DIDO1: variants seen among roughly 807,000 people sequenced by gnomAD.
DIDO1 encodes the protein death-inducer obliterator 1.
A neutral mutation model predicts 99.4 loss-of-function variants in DIDO1; 16 were observed. That is an observed-to-expected ratio of 0.16 (90% CI 0.11 to 0.24). DIDO1 has a LOEUF of 0.24. Ranked by LOEUF, DIDO1 falls within the 10% of genes least tolerant of loss-of-function variation. The pLI, the probability that DIDO1 is intolerant of heterozygous loss-of-function variation, is 1.00. For synonymous variants in DIDO1, 1,366 were observed against 1,239.1 expected, an observed-to-expected ratio of 1.10 and a Z score of -2.15; for missense variants, 2,996 against 3,014.0, an observed-to-expected ratio of 0.99 and a Z score of 0.14.
chr20:62,905,539 G>A (rs1321056427), intron 6 of DIDO1: 97 of 1,550,906 alleles, frequency 6.3e-5, no homozygotes, highest in South Asian at 1.2e-4. Context: ...TGGATGTGGC[G>A]TGCCGGGCAG....
At chr20:62,887,843 A>T in intron 15 of DIDO1, 1 of 985,486 alleles carries the variant, frequency 1.0e-6, no homozygotes, top group Non-Finnish European at 1.2e-6. Context: ...TAGGTGGAGA[A>T]GGTCACCTGG....
At chr20:62,906,206 T>TCTGAAGACC in intron 5 of DIDO1, 106 bp from the exon 6 acceptor site, 1 of 1,413,124 alleles carries the variant, frequency 7.1e-7, no homozygotes, top group Non-Finnish European at 9.5e-7. Context: ...CCTGAGGCCA[T>TCTGAAGACC]CTGAAGACCC....
intron 15 of DIDO1, chr20:62,887,530 T>A (rs1295896120): frequency 1.0e-6 from 1 of 985,346 alleles, no homozygotes; most frequent in Non-Finnish European, 1.2e-6. Flanking sequence ...TGCCCTGTAC[T>A]TGGGGAGAAC....
Position 62,881,309 on chromosome 20 carries a change from G to T in DIDO1, c.4647C>A (p.Pro1549=), listed in dbSNP as rs756006083. 3 of 1,604,898 alleles carry T rather than the reference G, an allele frequency of 1.9e-6. No homozygotes were observed. Among genetic ancestry groups the T allele is most frequent in the African/African-American group, 2.7e-5 (2 of 75,044 alleles). The change falls in exon 16 of 16, where the codon CCC becomes CCA. Residue 1549 remains proline (P), a synonymous_variant. Transcript: ENST00000395343. The surrounding 1 kb of genome is among the most constrained non-coding windows in gnomAD (Gnocchi z 8.3). ...QQSADKPASL[P]PASQASNHRD... is the part of the protein sequence containing the mutation. ...TGTGGTTTGACGCCTGGCTGGCGGG[G>T]GGCAGTGAGGCGGGCTTGTCTGCAG...
chr20:62,924,018 C>T (rs770462564), intron 1 of DIDO1, among the ~76,000 whole-genome samples: 3 of 152,246 alleles, frequency 2.0e-5, no homozygotes, highest in Non-Finnish European at 4.4e-5. Flanking sequence ...ACAACACAGA[C>T]TGTCTCACAG....
At chr20:62,900,565 T>C (rs1049699207) in intron 6 of DIDO1, among the ~76,000 whole-genome samples, 6 of 152,222 alleles carry the variant, frequency 3.9e-5, no homozygotes, top group African/African-American at 1.4e-4. Flanking sequence ...GATTAAAATA[T>C]GGGGCAAGAG....
At position 62,879,148 on chromosome 20, in the gene DIDO1, T is replaced by G. The variant is rs1001541439; in HGVS notation, c.*85A>C. 4.0e-6 allele frequency: 5 copies of G among 1,257,080 alleles called. No homozygotes were observed. Among genetic ancestry groups the G allele is most frequent in the Non-Finnish European group, 5.3e-6 (5 of 951,330 alleles). The allele number at this position is 1,257,080 out of a possible 1,614,324, so 77.9% of individuals were successfully genotyped here. On this transcript the variant is annotated 3_prime_UTR_variant, in exon 16 of 16. Coordinates refer to ENST00000395343, the MANE Select transcript of DIDO1 (RefSeq NM_001193369.2). This position sits in a 1 kb window ranked among gnomAD's most constrained non-coding sequence, Gnocchi z 6.3. ...AGTCCAGAATATTCTATCCTGAATC[T>G]AAGATCGTGGCTATTTCAAAAGCTA...
intron 6 of DIDO1, among the ~76,000 whole-genome samples, chr20:62,901,955 A>C (rs563160050): frequency 1.9e-4 from 29 of 151,714 alleles, no homozygotes; most frequent in Middle Eastern, 3.4e-3. Flanking sequence ...AATGCCGAGG[A>C]GGCTTTCCCG....
chr20:62,880,186 C>G lies in DIDO1; in HGVS notation c.5770G>C (p.Val1924Leu). Residue 1924 changes from valine to leucine, a missense_variant, in exon 16 of 16, where the codon GTG (valine) becomes CTG (leucine). Physicochemically the swap from Val to Leu is conservative, Grantham distance 32. Transcript: ENST00000395343. ...GQRGPPPGHF[V>L]GPRGPHPSQF... ...CTAGGATGGGGCCCTCTTGGGCCCA[C>G]GAAATGACCAGGGGGTGGTCCTCTC... 9 of 1,612,192 alleles carry G rather than the reference C, an allele frequency of 5.6e-6. 1 individual carries two copies. In the South Asian group the frequency reaches 9.9e-5, roughly 18 times the overall value.
rs1301363698 is a variant in DIDO1, at chr20:62,897,014, G to A, written c.1589-18C>T. 1.3e-5 allele frequency: 21 copies of A among 1,598,860 alleles called. No individual in the cohort carries two copies. Among genetic ancestry groups the A allele is most frequent in the East Asian group, 2.2e-5 (1 of 44,790 alleles). On this transcript the variant is annotated intron_variant, in intron 6 of 15. Coordinates refer to ENST00000395343, the MANE Select transcript of DIDO1 (RefSeq NM_001193369.2). ...CTTCGTGGCTACAAAGAAGAACACA[G>A]GCGCTGAGTAAGGGAGGACACCACA...
At position 62,926,459 on chromosome 20, in the gene DIDO1, C is replaced by T. The variant is rs2065258064; in HGVS notation, c.-220G>A. 1 of 151,980 alleles carries T rather than the reference C, an allele frequency of 6.6e-6. No individual in the cohort carries two copies. The highest frequency in any genetic ancestry group is 6.6e-5 in the Admixed American group (1 of 15,262). The allele number at this position is 151,980 out of a possible 1,614,324, so 9.4% of individuals were successfully genotyped here. On this transcript the variant is annotated 5_prime_UTR_variant, in exon 1 of 16. Transcript: ENST00000395343. ...CAGGCCGCAGGCCTCTAGGGTCTCG[C>T]AGCCATTTCCCCGAACGCCGCGGAG...
chr20:62,898,362 A>T (rs1319459058), intron 6 of DIDO1, among the ~76,000 whole-genome samples: 1 of 152,218 alleles, frequency 6.6e-6, no homozygotes, highest in Non-Finnish European at 1.5e-5. Context: ...TCAGGGCTGC[A>T]AGTCTTCCCA....
intron 4 of DIDO1, among the ~76,000 whole-genome samples, chr20:62,908,118 T>C (rs1473891781): frequency 6.6e-6 from 1 of 152,102 alleles, no homozygotes; most frequent in African/African-American, 2.4e-5. Flanking sequence ...TAGCTGGGAC[T>C]ACAGGCACAT....
At chr20:62,884,177 T>G (rs1278497996) in intron 15 of DIDO1, among the ~76,000 whole-genome samples, 1 of 149,724 alleles carries the variant, frequency 6.7e-6, no homozygotes, top group Non-Finnish European at 1.5e-5. Flanking sequence ...CGACGCGCAC[T>G]GGGGGTTTTA....
intron 6 of DIDO1, 147 bp from the exon 7 acceptor site, chr20:62,897,143 T>C (rs1433591765): frequency 1.3e-5 from 10 of 759,014 alleles, no homozygotes; most frequent in Non-Finnish European, 1.9e-5. Flanking sequence ...ATTTGTAAAA[T>C]GTTAGTGTTC....
At chr20:62,915,457 T>C (rs2065021075) in intron 1 of DIDO1, among the ~76,000 whole-genome samples, 1 of 152,188 alleles carries the variant, frequency 6.6e-6, no homozygotes, top group South Asian at 2.1e-4. Context: ...AAATAAACTT[T>C]TATATTTTGC....
chr20:62,937,002 C>T (rs1449216765), intron 1 of DIDO1, among the ~76,000 whole-genome samples: 3 of 152,246 alleles, frequency 2.0e-5, no homozygotes, highest in Non-Finnish European at 4.4e-5. Flanking sequence ...TTAGCTCTTT[C>T]GATTAACGGA....
intron 2 of DIDO1, among the ~76,000 whole-genome samples, chr20:62,912,805 G>A (rs1245227737): frequency 2.6e-5 from 4 of 152,232 alleles, no homozygotes; most frequent in Non-Finnish European, 5.9e-5. Flanking sequence ...GCCGAGGCAG[G>A]CAGACCACTT....
intron 1 of DIDO1, among the ~76,000 whole-genome samples, chr20:62,920,370 C>G (rs1674592002): frequency 1.3e-5 from 2 of 152,126 alleles, no homozygotes; most frequent in Non-Finnish European, 2.9e-5. Context: ...ACTCTTGCCT[C>G]CCCCCAACCC....
Sources: gnomAD v4.1 joint callset for allele counts (sites outside exome capture counted in the v4.1 genomes callset) on GRCh38, gnomAD v4.1.1 for gene constraint, Gnocchi (gnomAD v3.1) non-coding constraint, MANE v1.5 for transcripts, NCBI Gene and HGNC (gene_info 2026-07-23, HGNC 2026-07-21) for gene names.